The following GRIK2 variants were observed in gnomAD, a reference collection of about 807,000 sequenced individuals.
GRIK2 encodes the protein glutamate receptor ionotropic, kainate 2.
A neutral mutation model predicts 100.3 loss-of-function variants in GRIK2; 32 were observed. That is an observed-to-expected ratio of 0.32 (90% CI 0.24 to 0.43). The LOEUF (loss-of-function observed/expected upper bound fraction) is 0.43. GRIK2 is among the 20% of genes least tolerant of loss of function. The probability of loss-of-function intolerance (pLI) is 1.00; values close to 1 mark genes in which losing one functional copy is unlikely to be tolerated. For missense variants in GRIK2, 843 were observed against 1,114.9 expected (o/e 0.76, Z 3.47); for synonymous variants, 417 against 389.4 (o/e 1.07, Z -0.83).
chr6:101,709,269 C>A (rs540907561), intron 7 of GRIK2, among the ~76,000 whole-genome samples: 2 of 151,632 alleles, frequency 1.3e-5, no homozygotes, highest in African/African-American at 4.8e-5. Flanking sequence ...CCTGCAGGAA[C>A]CTTAGTTTGG....
At chr6:101,890,465 G>C (rs9377319) in intron 12 of GRIK2, 27,279 of 152,198 alleles carry the variant, frequency 0.18, 4,038 homozygotes, top group East Asian at 0.54. Context: ...CAAGGTGGCT[G>C]ATGCCTATAA....
intron 2 of GRIK2, among the ~76,000 whole-genome samples, chr6:101,583,961 T>C (rs1464271569): frequency 6.6e-6 from 1 of 152,108 alleles, no homozygotes; most frequent in Non-Finnish European, 1.5e-5. Context: ...ATATGATATA[T>C]ATGTATATAA....
chr6:101,935,044 T>C (rs1331311649), intron 14 of GRIK2, among the ~76,000 whole-genome samples: 2 of 152,032 alleles, frequency 1.3e-5, no homozygotes, highest in African/African-American at 4.8e-5. Context: ...TTAAGTGTAG[T>C]TGTCTGTAGG....
At chr6:101,664,779 G>T (rs1769888495) in intron 4 of GRIK2, among the ~76,000 whole-genome samples, 1 of 152,166 alleles carries the variant, frequency 6.6e-6, no homozygotes, top group African/African-American at 2.4e-5. Context: ...ACTCACAGAT[G>T]ACTGGGGAGG....
intron 2 of GRIK2, among the ~76,000 whole-genome samples, chr6:101,534,052 G>A (rs1307080238): frequency 6.6e-6 from 1 of 151,780 alleles, no homozygotes; most frequent in Non-Finnish European, 1.5e-5. Flanking sequence ...TCGCAAGCAG[G>A]CCAAGATAAT....
At chr6:101,836,609 A>G (rs1234663204) in intron 10 of GRIK2, among the ~76,000 whole-genome samples, 2 of 127,542 alleles carry the variant, frequency 1.6e-5, no homozygotes, top group South Asian at 2.8e-4. Flanking sequence ...GCTTGTTGCT[A>G]TATATATAGT....
chr6:102,031,146 A>T (rs964147234), intron 14 of GRIK2, among the ~76,000 whole-genome samples: 7 of 144,300 alleles, frequency 4.9e-5, no homozygotes, highest in African/African-American at 1.8e-4. Context: ...GAGTTTCTGG[A>T]TGTCTTTCCA....
At chr6:101,678,149 C>T (rs1347147524) in intron 5 of GRIK2, among the ~76,000 whole-genome samples, 1 of 152,046 alleles carries the variant, frequency 6.6e-6, no homozygotes, top group Non-Finnish European at 1.5e-5. Flanking sequence ...AGAGCTTTGG[C>T]TGCTTTCTCT....
At chr6:101,408,023 A>T (rs7738542) in intron 2 of GRIK2, among the ~76,000 whole-genome samples, 2,179 of 152,230 alleles carry the variant, frequency 0.014, 55 homozygotes, top group African/African-American at 0.05. Flanking sequence ...GTTGGGACAG[A>T]TAATGGGCTA....
intron 14 of GRIK2, among the ~76,000 whole-genome samples, chr6:101,966,284 G>A (rs551681600): frequency 1.3e-5 from 2 of 152,232 alleles, no homozygotes; most frequent in East Asian, 3.9e-4. Context: ...ACAGATAATT[G>A]CATTATAGCA....
chr6:101,901,830 A>T (rs2128461801), intron 12 of GRIK2, among the ~76,000 whole-genome samples: 1 of 152,126 alleles, frequency 6.6e-6, no homozygotes, highest in Non-Finnish European at 1.5e-5. Context: ...ACAAATCAGT[A>T]GAACTGATCA....
intron 2 of GRIK2, among the ~76,000 whole-genome samples, chr6:101,500,359 T>C (rs1773681652): frequency 6.6e-6 from 1 of 152,122 alleles, no homozygotes; most frequent in African/African-American, 2.4e-5. Context: ...TTTATGTGAA[T>C]AAGATATTTT....
intron 2 of GRIK2, among the ~76,000 whole-genome samples, chr6:101,586,333 T>C (rs1400733450): frequency 1.3e-5 from 2 of 152,038 alleles, no homozygotes; most frequent in Non-Finnish European, 1.5e-5. Flanking sequence ...TCAAAGTTTG[T>C]TTTTACACAG....
At chr6:101,546,601 C>T (rs1776247355) in intron 2 of GRIK2, among the ~76,000 whole-genome samples, 1 of 152,054 alleles carries the variant, frequency 6.6e-6, no homozygotes. Context: ...AACAATAGTT[C>T]TTACCACACA....
chr6:101,675,281 G>A (rs553501034), intron 4 of GRIK2, among the ~76,000 whole-genome samples: 10 of 136,672 alleles, frequency 7.3e-5, no homozygotes, highest in East Asian at 4.1e-4. Flanking sequence ...ACGCACACGC[G>A]CACGCACACG....
intron 2 of GRIK2, among the ~76,000 whole-genome samples, chr6:101,616,905 C>T (rs534819840): frequency 1.3e-5 from 2 of 151,600 alleles, no homozygotes; most frequent in South Asian, 2.1e-4. Context: ...ATATTATCTA[C>T]TTATGTTCTT....
chr6:101,470,348 A>G (rs939063420), intron 2 of GRIK2, among the ~76,000 whole-genome samples: 2 of 152,052 alleles, frequency 1.3e-5, no homozygotes, highest in African/African-American at 4.8e-5. Flanking sequence ...TATTCTTGCC[A>G]TGGCAATTGG....
At chr6:101,802,168 G>A (rs1446114574) in intron 8 of GRIK2, among the ~76,000 whole-genome samples, 163 bp from the exon 9 acceptor site, 1 of 151,788 alleles carries the variant, frequency 6.6e-6, no homozygotes, top group Non-Finnish European at 1.5e-5. Flanking sequence ...GATAATTTAT[G>A]TAGAAAAACA....
At chr6:101,952,938 C>T (rs1340746355) in intron 14 of GRIK2, among the ~76,000 whole-genome samples, 1 of 152,100 alleles carries the variant, frequency 6.6e-6, no homozygotes, top group Admixed American at 6.5e-5. Flanking sequence ...CAATCATTCC[C>T]CATTTACTTA....
Sources: allele counts gnomAD v4.1 joint callset (sites outside exome capture counted in the v4.1 genomes callset), GRCh38; gene constraint gnomAD v4.1.1; transcripts MANE v1.5; gene names NCBI Gene and HGNC (gene_info 2026-07-23, HGNC 2026-07-21).